The following NETO1 variants were observed in gnomAD, a reference collection of about 807,000 sequenced individuals.
The protein encoded by NETO1 is neuropilin and tolloid like 1.
Under a neutral mutation model 61.3 loss-of-function variants are expected in NETO1, and 26 were observed. The ratio of observed to expected loss-of-function variants is 0.42; its 90% CI spans 0.31 to 0.59. NETO1 has a LOEUF of 0.59. NETO1 is among the 20% of genes least tolerant of loss of function. The pLI is 0.12. For missense variants in NETO1, 531 were observed against 662.8 expected (o/e 0.80, Z 2.18); for synonymous variants, 225 against 225.8 (o/e 1.00, Z 0.03).
intron 4 of NETO1, among the ~76,000 whole-genome samples, chr18:72,805,324 C>G (rs1240190508): frequency 2.0e-5 from 3 of 152,230 alleles, no homozygotes; most frequent in African/African-American, 7.2e-5. Context: ...TTTTATGAGA[C>G]AGAGTTCTCA....
At chr18:72,774,258 C>T (rs192967411) in intron 7 of NETO1, among the ~76,000 whole-genome samples, 1 of 152,246 alleles carries the variant, frequency 6.6e-6, no homozygotes, top group African/African-American at 2.4e-5. Context: ...ATTCCAGTTA[C>T]TGCAAATTCA....
chr18:72,849,455 C>T (rs1010360284), intron 4 of NETO1, among the ~76,000 whole-genome samples: 3 of 152,164 alleles, frequency 2.0e-5, no homozygotes, highest in Non-Finnish European at 4.4e-5. Flanking sequence ...CTTCTCACTT[C>T]CTTCTGTGTC....
chr18:72,813,662 T>C (rs190868080), intron 4 of NETO1, among the ~76,000 whole-genome samples: 232 of 151,986 alleles, frequency 1.5e-3, no homozygotes, highest in Non-Finnish European at 2.4e-3. Flanking sequence ...GTAATTGCAA[T>C]AAAAAACTCA....
intron 4 of NETO1, among the ~76,000 whole-genome samples, chr18:72,819,732 C>A: frequency 6.6e-6 from 1 of 151,658 alleles, no homozygotes; most frequent in Non-Finnish European, 1.5e-5. Flanking sequence ...AGAAAAATAC[C>A]AAAAAATAAT....
At chr18:72,849,614 A>T (rs2074191440) in intron 4 of NETO1, among the ~76,000 whole-genome samples, 1 of 152,176 alleles carries the variant, frequency 6.6e-6, no homozygotes, top group African/African-American at 2.4e-5. Context: ...GTTTTTATTT[A>T]TTTATTTTAC....
intron 7 of NETO1, among the ~76,000 whole-genome samples, chr18:72,762,666 C>T (rs1429715177): frequency 6.6e-6 from 1 of 152,156 alleles, no homozygotes; most frequent in Non-Finnish European, 1.5e-5. Flanking sequence ...TCTATTGCTT[C>T]ATTACTCTTG....
At chr18:72,834,746 A>G (rs1247388881) in intron 4 of NETO1, 2 of 984,938 alleles carry the variant, frequency 2.0e-6, no homozygotes, top group African/African-American at 1.7e-5. Context: ...TTTGAGCAAA[A>G]TGTGTTAAAT....
chr18:72,811,395 T>A (rs1303968579), intron 4 of NETO1, among the ~76,000 whole-genome samples: 6 of 152,214 alleles, frequency 3.9e-5, no homozygotes, highest in African/African-American at 2.4e-5. Context: ...GAAACTCCCA[T>A]CAGCTATGGC....
At chr18:72,831,194 C>T (rs1276610185) in intron 4 of NETO1, among the ~76,000 whole-genome samples, 1 of 152,158 alleles carries the variant, frequency 6.6e-6, no homozygotes, top group African/African-American at 2.4e-5. Flanking sequence ...GCAATACCAT[C>T]CACATCCATG....
intron 3 of NETO1, among the ~76,000 whole-genome samples, chr18:72,859,749 C>A (rs1450845150): frequency 6.6e-6 from 1 of 152,150 alleles, no homozygotes; most frequent in African/African-American, 2.4e-5. Context: ...AGCTCCTTCA[C>A]ACTTTCATGG....
At chr18:72,758,304 T>C (rs1330060256) in intron 7 of NETO1, among the ~76,000 whole-genome samples, 3 of 152,006 alleles carry the variant, frequency 2.0e-5, no homozygotes, top group Non-Finnish European at 4.4e-5. Context: ...TTTAACATGC[T>C]TTTTCACATT....
At chr18:72,847,829 A>G (rs187862639) in intron 4 of NETO1, among the ~76,000 whole-genome samples, 2 of 152,266 alleles carry the variant, frequency 1.3e-5, no homozygotes, top group African/African-American at 4.8e-5. Flanking sequence ...GTTTATTTAC[A>G]TTCTGTATCA....
At chr18:72,867,065 G>A (rs973031893) in intron 1 of NETO1, 199 bp downstream of exon 1, 21 of 473,468 alleles carry the variant, frequency 4.4e-5, no homozygotes, top group Middle Eastern at 1.1e-3. Context: ...TTGGGATCCG[G>A]CGACGGCTGA....
intron 9 of NETO1, 22 bp downstream of exon 9, chr18:72,750,040 C>CA (rs1568167691): frequency 1.3e-6 from 2 of 1,512,858 alleles, no homozygotes; most frequent in Admixed American, 2.2e-5. Context: ...TAGTTGTCAT[C>CA]AAAAAATCTA....
intron 7 of NETO1, among the ~76,000 whole-genome samples, chr18:72,763,132 G>GGT (rs1555682500): frequency 6.8e-6 from 1 of 146,524 alleles, no homozygotes; most frequent in Non-Finnish European, 1.5e-5. Flanking sequence ...ATTAGATTTC[G>GGT]TTTTTTTTTT....
At chr18:72,742,457 T>G (rs1686393079), downstream of NETO1, 1 of 152,212 alleles carries the variant, frequency 6.6e-6, no homozygotes, top group Non-Finnish European at 1.5e-5. Context: ...TGATTTATTT[T>G]TATAATGCAT....
rs1027377518 is a variant in NETO1, at chr18:72,812,662, C to A, written c.470-18258G>T. Among the ~76,000 whole-genome samples, 7 of 152,194 alleles carry A rather than the reference C, an allele frequency of 4.6e-5. No individual in the cohort carries two copies. The South Asian group carries it at 1.2e-3, about 27-fold the overall frequency. ...GAGCCAATCATTTGTTCCACCTAGT[C>A]CTCCTAATTTCAGTCTTAACATTTT... On this transcript the variant is annotated intron_variant, in intron 4 of 10. Transcript: ENST00000327305.
intron 3 of NETO1, among the ~76,000 whole-genome samples, chr18:72,862,214 T>G (rs538503561): frequency 6.6e-6 from 1 of 152,190 alleles, no homozygotes; most frequent in Admixed American, 6.5e-5. Flanking sequence ...TGGCTGGGGC[T>G]CTATCTAAGG....
At chr18:72,801,250 T>G (rs1424651346) in intron 4 of NETO1, among the ~76,000 whole-genome samples, 2 of 141,774 alleles carry the variant, frequency 1.4e-5, no homozygotes, top group Non-Finnish European at 3.2e-5. Context: ...TTGACTCTGA[T>G]TAGACTCTTC....
Sources: allele counts gnomAD v4.1 joint callset (sites outside exome capture counted in the v4.1 genomes callset), GRCh38; gene constraint gnomAD v4.1.1; transcripts MANE v1.5; gene names NCBI Gene and HGNC (gene_info 2026-07-23, HGNC 2026-07-21).